The following UHRF1 variants were observed in gnomAD, a reference collection of about 807,000 sequenced individuals.
The protein encoded by UHRF1 is E3 ubiquitin-protein ligase UHRF1.
A neutral mutation model predicts 96.5 loss-of-function variants in UHRF1; 9 were observed. The ratio of observed to expected loss-of-function variants is 0.09; its 90% CI spans 0.06 to 0.16. UHRF1 has a LOEUF of 0.16. Ranked by LOEUF, UHRF1 falls within the 10% of genes least tolerant of loss-of-function variation. UHRF1 has a pLI of 1.00. For synonymous variants in UHRF1, 455 were observed against 469.9 expected (o/e 0.97, Z 0.41); for missense variants, 626 against 1,131.1 (o/e 0.55, Z 6.40).
At position 4,930,882 on chromosome 19, in the gene UHRF1, T is replaced by TC; in HGVS notation, c.569+7dup. Reference sequence around the variant, plus strand: ...TACCACGTGAAATACGACGAGTGAGTCATGGCAGGTGGGCGGGCCTGGGTA... The same window carrying TC: ...TACCACGTGAAATACGACGAGTGAGTCCATGGCAGGTGGGCGGGCCTGGGTA... On this transcript the variant is annotated splice_region_variant and intron_variant, in intron 4 of 16. Coordinates refer to ENST00000650932, the MANE Select transcript of UHRF1 (RefSeq NM_001048201.3). The surrounding 1 kb of genome is among the most constrained non-coding windows in gnomAD (Gnocchi z 4.4). 6.2e-7 allele frequency: 1 copy of TC among 1,613,438 alleles called. No homozygotes were observed. Among genetic ancestry groups the TC allele is most frequent in the Non-Finnish European group, 8.5e-7 (1 of 1,179,696 alleles).
At chr19:4,960,381 T>G (rs2033957926) in intron 16 of UHRF1, among the ~76,000 whole-genome samples, 1 of 151,372 alleles carries the variant, frequency 6.6e-6, no homozygotes, top group South Asian at 2.1e-4. Flanking sequence ...ATAAGGGAGG[T>G]GACTTGAGCT....
intron 11 of UHRF1, among the ~76,000 whole-genome samples, chr19:4,947,662 G>A (rs562644355): frequency 6.6e-6 from 1 of 151,900 alleles, no homozygotes; most frequent in South Asian, 2.1e-4. Context: ...CACCTCGCCT[G>A]GCTAATTTTT....
chr19:4,933,017 C>A, intron 5 of UHRF1, 61 bp downstream of exon 5: 3 of 1,506,150 alleles, frequency 2.0e-6, no homozygotes, highest in Non-Finnish European at 2.7e-6. Context: ...CCGGGGCCCC[C>A]GGACTGGCTT....
chr19:4,910,438 T>C (rs926540940), intron 1 of UHRF1: 1 of 152,784 alleles, frequency 6.5e-6, no homozygotes, highest in Non-Finnish European at 1.5e-5. Flanking sequence ...CTTGGTTGAG[T>C]TCCCCCGGGA....
upstream of UHRF1, among the ~76,000 whole-genome samples, chr19:4,908,237 C>T (rs894044699): frequency 1.3e-5 from 2 of 152,162 alleles, no homozygotes; most frequent in South Asian, 2.1e-4. Context: ...GGGGCGAGGA[C>T]GTGGGGGTCT....
At chr19:4,958,558 GC>G (rs1386903746) in intron 16 of UHRF1, among the ~76,000 whole-genome samples, 1 of 152,242 alleles carries the variant, frequency 6.6e-6, no homozygotes, top group African/African-American at 2.4e-5. Flanking sequence ...GAAGGAAGGG[GC>G]TAACCAGCAT....
chr19:4,939,847 A>C (rs1416181591), intron 5 of UHRF1, among the ~76,000 whole-genome samples: 1 of 152,034 alleles, frequency 6.6e-6, no homozygotes, highest in Non-Finnish European at 1.5e-5. Context: ...ACACGGTGAA[A>C]CCCCGTCTCT....
rs764674691 is a variant in UHRF1, at chr19:4,954,201, G to A, written c.1819-149G>A. ...GGTCACTGAAACCTCAGCAAAACTA[G>A]ATAAGGGAGGACTACCCTGTGCTCT... On this transcript the variant is annotated intron_variant, in intron 13 of 16. Transcript: ENST00000650932. This position sits in a 1 kb window ranked among gnomAD's most constrained non-coding sequence, Gnocchi z 5.9. The A allele has an allele frequency of 2.2e-4, 258 of 1,196,346 alleles. No homozygotes were observed. Among genetic ancestry groups the A allele is most frequent in the Non-Finnish European group, 2.7e-4 (236 of 867,390 alleles). The allele number at this position is 1,196,346 out of a possible 1,614,324, so 74.1% of individuals were successfully genotyped here.
chr19:4,943,837 G>A (rs1313402064), intron 7 of UHRF1, among the ~76,000 whole-genome samples: 2 of 152,184 alleles, frequency 1.3e-5, no homozygotes, highest in African/African-American at 4.8e-5. Flanking sequence ...TTTTAGTAGA[G>A]ATGGGGTTTC....
chr19:4,931,746 T>C (rs966335229), intron 4 of UHRF1, among the ~76,000 whole-genome samples: 9 of 151,024 alleles, frequency 6.0e-5, no homozygotes, highest in African/African-American at 2.2e-4. Flanking sequence ...GGATTACAGG[T>C]GTGAGCCACT....
intron 16 of UHRF1, among the ~76,000 whole-genome samples, chr19:4,958,042 C>T (rs2033903643): frequency 2.0e-5 from 3 of 152,214 alleles, no homozygotes; most frequent in Admixed American, 2.0e-4. Context: ...GGTCTCAGAC[C>T]CCGTGTTTGT....
intron 10 of UHRF1, among the ~76,000 whole-genome samples, chr19:4,946,208 C>T (rs538626992): frequency 4.8e-5 from 7 of 145,912 alleles, no homozygotes; most frequent in Non-Finnish European, 7.6e-5. Context: ...TCCCTGGCAC[C>T]GCCCAACCTG....
At chr19:4,920,438 GA>G (rs373827871) in intron 2 of UHRF1, among the ~76,000 whole-genome samples, 12 of 148,622 alleles carry the variant, frequency 8.1e-5, no homozygotes, top group African/African-American at 1.7e-4. Context: ...TCAAAAAAAA[GA>G]AAAAAAAAAG....
chr19:4,948,615 A>G (rs1481709808), intron 11 of UHRF1, among the ~76,000 whole-genome samples: 1 of 151,848 alleles, frequency 6.6e-6, no homozygotes, highest in Non-Finnish European at 1.5e-5. Flanking sequence ...TAGCCTGGCC[A>G]ACATGGTGAA....
At position 4,920,438 on chromosome 19, in the gene UHRF1, G is replaced by GA. The variant is rs373827871; in HGVS notation, c.154-8774dup. 2.7e-3 allele frequency among the ~76,000 whole-genome samples: 402 copies of GA among 148,624 alleles called. 3 individuals are homozygous for GA. Among genetic ancestry groups the GA allele is most frequent in the African/African-American group, 9.1e-3 (368 of 40,592 alleles). On this transcript the variant is annotated intron_variant, in intron 2 of 16. Coordinates refer to ENST00000650932, the MANE Select transcript of UHRF1 (RefSeq NM_001048201.3). Reference sequence around the variant, plus strand: ...CAGTGAGACTCCGTCTCAAAAAAAAGAAAAAAAAAAGTAAGTCCCACGTAG... The same window carrying GA: ...CAGTGAGACTCCGTCTCAAAAAAAAGAAAAAAAAAAAGTAAGTCCCACGTAG...
chr19:4,948,967 C>CAAAAA (rs55757803), intron 11 of UHRF1, among the ~76,000 whole-genome samples: 26 of 51,184 alleles, frequency 5.1e-4, no homozygotes, highest in East Asian at 2.3e-3. Context: ...ACTAAGAATA[C>CAAAAA]AAAAAAAAAA....
At chr19:4,925,503 T>A (rs1025218653) in intron 2 of UHRF1, among the ~76,000 whole-genome samples, 1 of 152,144 alleles carries the variant, frequency 6.6e-6, no homozygotes, top group South Asian at 2.1e-4. Context: ...AGTCGTATTT[T>A]ATTTTGCCTT....
At chr19:4,909,354 C>G (rs1039447094), upstream of UHRF1, 14 of 595,570 alleles carry the variant, frequency 2.4e-5, no homozygotes, top group Non-Finnish European at 4.2e-5. Context: ...TAGGCGGAGG[C>G]GCCGTGGACA....
intron 9 of UHRF1, among the ~76,000 whole-genome samples, chr19:4,944,994 C>A (rs897000284): frequency 1.3e-5 from 2 of 152,154 alleles, no homozygotes; most frequent in African/African-American, 4.8e-5. Context: ...CATGAGTGTC[C>A]CCTTGGAGGC....
Sources: gnomAD v4.1 joint callset for allele counts (sites outside exome capture counted in the v4.1 genomes callset) on GRCh38, gnomAD v4.1.1 for gene constraint, Gnocchi (gnomAD v3.1) non-coding constraint, MANE v1.5 for transcripts, NCBI Gene and HGNC (gene_info 2026-07-23, HGNC 2026-07-21) for gene names.